Variants in ARMCX4 observed in about 807,000 individuals in gnomAD.
ARMCX4 encodes the protein armadillo repeat-containing X-linked protein 4.
A neutral mutation model predicts 34.7 loss-of-function variants in ARMCX4; 3 were observed. That is an observed-to-expected ratio of 0.09 (90% CI 0.04 to 0.22). The LOEUF (loss-of-function observed/expected upper bound fraction) is 0.22, where lower values mean the gene tolerates loss of function less well. Ranked by LOEUF, ARMCX4 falls within the 10% of genes least tolerant of loss-of-function variation. The probability of loss-of-function intolerance (pLI) is 1.00; values close to 1 mark genes in which losing one functional copy is unlikely to be tolerated. For missense variants in ARMCX4, 1,448 were observed against 1,720.8 expected, an observed-to-expected ratio of 0.84 and a Z score of 2.81; for synonymous variants, 513 against 632.8, an observed-to-expected ratio of 0.81 and a Z score of 2.84.
intron 2 of ARMCX4, among the ~76,000 whole-genome samples, chrX:101,430,512 C>T (rs1283105096): frequency 8.9e-6 from 1 of 112,478 alleles, no homozygotes; most frequent in African/African-American, 3.2e-5. Context: ...ATCCCTTATC[C>T]CCATCCATTG....
At chrX:101,442,246 G>A (rs1464511572) in intron 2 of ARMCX4, among the ~76,000 whole-genome samples, 2 of 112,184 alleles carry the variant, frequency 1.8e-5, no homozygotes, top group African/African-American at 6.5e-5. Flanking sequence ...GGCCTCGAGA[G>A]CTATTGTGAA....
chrX:101,493,814 T>C lies in ARMCX4; in HGVS notation c.5225T>C (p.Val1742Ala). 8.7e-7 allele frequency: 1 copy of C among 1,152,122 alleles called. No individual in the cohort carries two copies. 94.9% of individuals were successfully genotyped at this position (1,152,122 alleles called of 1,213,427 possible). ...GFWFGPGAEA[V>A]IGSWCWTEEK... ...TGGTTTGGGCCTGGAGCTGAGGCCGTTATAGGGTCTTGGTGCTGGACAGAG... is the reference window on the plus strand; with the variant it reads ...TGGTTTGGGCCTGGAGCTGAGGCCGCTATAGGGTCTTGGTGCTGGACAGAG... Residue 1742 changes from valine to alanine, a missense_variant, in exon 6 of 6, where the codon GTT becomes GCT. By Grantham distance (64) the Val-to-Ala change is moderately conservative. Around this residue, in one of 2 missense-constraint regions of ARMCX4, gnomAD observed 1,343 missense variants for 1,540.7 expected, o/e 0.87. Coordinates refer to ENST00000423738, the MANE Select transcript of ARMCX4 (RefSeq NM_001256155.3).
In ARMCX4 at chrX:101,492,924, C is replaced by T; in HGVS notation, c.4335C>T (p.Ala1445=). The change falls in exon 6 of 6, where the codon GCC becomes GCT. Residue 1445 remains alanine, a synonymous_variant. Transcript: ENST00000423738. ...TCTTAGTTGGGATTGTGGACCAGGC[C>T]AATGGAGGGTCCTGGACTGGGGCTG... ...GGFLVGIVDQ[A]NGGSWTGAGH... is the part of the protein sequence containing the mutation. 1.7e-6 allele frequency: 2 copies of T among 1,154,315 alleles called. No homozygotes were observed. Among genetic ancestry groups the T allele is most frequent in the Non-Finnish European group, 2.3e-6 (2 of 872,134 alleles).
intron 3 of ARMCX4, 82 bp downstream of exon 3, chrX:101,487,354 G>C (rs1478877284): frequency 6.2e-6 from 1 of 160,872 alleles, no homozygotes; most frequent in South Asian, 1.1e-4. Context: ...GAGGGTCTCA[G>C]TGGAGTGCTG....
In ARMCX4 at chrX:101,488,599, A is replaced by G; in HGVS notation, c.10A>G (p.Ile4Val). 8.6e-7 allele frequency: 1 copy of G among 1,156,136 alleles called. No homozygotes were observed. Among genetic ancestry groups the G allele is most frequent in the Non-Finnish European group, 1.1e-6 (1 of 873,136 alleles). Residue 4 changes from isoleucine (I) to valine (V), a missense_variant, in exon 6 of 6, where the codon ATT becomes GTT. Physicochemically the swap from Ile to Val is conservative, Grantham distance 29. Around this residue, in one of 2 missense-constraint regions of ARMCX4, gnomAD observed 1,343 missense variants for 1,540.7 expected, o/e 0.87. Coordinates refer to ENST00000423738, the MANE Select transcript of ARMCX4 (RefSeq NM_001256155.3). MGR[I>V]QEVGWVTAGL... ...TAGCAGGGGTGATTACATGGGCCGCATTCAGGAAGTGGGCTGGGTGACTGC... is the reference window on the plus strand; with the variant it reads ...TAGCAGGGGTGATTACATGGGCCGCGTTCAGGAAGTGGGCTGGGTGACTGC...
At chrX:101,517,335 T>C (rs1245635114) in intron 11 of ARMCX4, among the ~76,000 whole-genome samples, 2 of 112,272 alleles carry the variant, frequency 1.8e-5, no homozygotes, top group Non-Finnish European at 3.8e-5. Flanking sequence ...ACAATAGTTA[T>C]TACTTTTCTT....
intron 3 of ARMCX4, among the ~76,000 whole-genome samples, chrX:101,445,821 C>T (rs781954772): frequency 1.4e-4 from 16 of 110,688 alleles, no homozygotes; most frequent in Non-Finnish European, 2.5e-4. Flanking sequence ...TGGCGCCTAC[C>T]CTGGGGAGGA....
At chrX:101,433,373 T>C (rs782228780) in intron 2 of ARMCX4, among the ~76,000 whole-genome samples, 2 of 109,515 alleles carry the variant, frequency 1.8e-5, no homozygotes, top group East Asian at 2.9e-4. Flanking sequence ...TATAAACATA[T>C]GTACATATAT....
Position 101,493,693 on chromosome X carries a change from G to A in ARMCX4, c.5104G>A (p.Glu1702Lys), listed in dbSNP as rs1934068991. The change falls in exon 6 of 6, where the codon GAG becomes AAG. Residue 1702 changes from glutamate (E) to lysine (K), a missense_variant. Glu to Lys is a moderately conservative substitution (Grantham distance 56). Transcript: ENST00000423738. ...CATTGGAGGATCTAGGATGGGATCT[G>A]AGGACCAGGCCACTGGAGGATCCTG... is the stretch of plus-strand genomic sequence containing the variant. ...EAIGGSRMGS[E>K]DQATGGSWAR... 2 of 1,154,506 alleles carry A rather than the reference G, an allele frequency of 1.7e-6. No homozygotes were observed. Among genetic ancestry groups the A allele is most frequent in the East Asian group, 6.5e-5 (2 of 30,652 alleles).
chrX:101,426,527 AG>A (rs1305638904), intron 2 of ARMCX4, among the ~76,000 whole-genome samples: 3 of 111,858 alleles, frequency 2.7e-5, no homozygotes, highest in Non-Finnish European at 5.6e-5. Flanking sequence ...ATGAGTTGTA[AG>A]GGTGAGAGCA....
chrX:101,457,131 A>C (rs1932328698), intron 4 of ARMCX4, among the ~76,000 whole-genome samples: 1 of 111,619 alleles, frequency 9.0e-6, no homozygotes, highest in African/African-American at 3.3e-5. Flanking sequence ...TTAGCCTGTA[A>C]AATTTTCCAC....
chrX:101,450,683 C>A (rs1677557155), downstream of ARMCX4, among the ~76,000 whole-genome samples: 1 of 112,039 alleles, frequency 8.9e-6, no homozygotes, highest in African/African-American at 3.2e-5. Flanking sequence ...CTGGGTCTCT[C>A]CTGAAACCAG....
intron 2 of ARMCX4, among the ~76,000 whole-genome samples, chrX:101,424,722 G>A (rs1246671046): frequency 1.8e-5 from 2 of 112,147 alleles, no homozygotes; most frequent in Admixed American, 9.5e-5. Flanking sequence ...TACAGTGAGA[G>A]TGAGCGGTCA....
At chrX:101,517,129 A>G (rs1200488487) in intron 11 of ARMCX4, among the ~76,000 whole-genome samples, 1 of 111,463 alleles carries the variant, frequency 9.0e-6, no homozygotes, top group African/African-American at 3.3e-5. Flanking sequence ...CTTTACCTAA[A>G]TGAGTGATTC....
chrX:101,467,181 G>A (rs537803086), intron 4 of ARMCX4, among the ~76,000 whole-genome samples: 8 of 111,877 alleles, frequency 7.2e-5, no homozygotes, highest in African/African-American at 1.9e-4. Flanking sequence ...ACAGGGTCTC[G>A]CTCTGTTGTC....
chrX:101,446,917 G>A (rs1409132940), downstream of ARMCX4, among the ~76,000 whole-genome samples: 1 of 108,362 alleles, frequency 9.2e-6, no homozygotes, highest in African/African-American at 3.4e-5. Context: ...TTGCGCCACT[G>A]CACTCCAGCC....
rs138327251 is a variant in ARMCX4 at position 101,441,102 on chromosome X, G to A, written n.165-2950G>A. On this transcript the variant is annotated intron_variant and non_coding_transcript_variant, in intron 2 of 3. Coordinates refer to the ARMCX4 transcript ENST00000430461. ...CTGTAGACTGGAGCTGTTCCTATTC[G>A]GCCATCTTGGCTCCACCCCCCGGGA... Among the ~76,000 whole-genome samples the A allele has an allele frequency of 2.2e-4, 24 of 110,954 alleles. No homozygotes were observed. In the Middle Eastern group the frequency reaches 0.014, roughly 64 times the overall value.
chrX:101,494,423 A>T lies in ARMCX4; in HGVS notation c.5834A>T (p.Asp1945Val). The T allele has an allele frequency of 8.7e-7, 1 of 1,155,594 alleles. No individual in the cohort carries two copies. Among genetic ancestry groups the T allele is most frequent in the Non-Finnish European group, 1.1e-6 (1 of 872,861 alleles). The change falls in exon 6 of 6, where the codon GAT becomes GTT. Residue 1945 changes from aspartate (D) to valine (V), a missense_variant. By Grantham distance (152) the Asp-to-Val change is radical. This residue lies in a region of ARMCX4 where 1,343 missense variants were observed against 1,540.7 expected (regional missense o/e 0.87). Transcript: ENST00000423738. ...AAGTTTGAGGCTGCTGGTGGAGTTG[A>T]TATAGGGTCTTGGTTCTGTGCTGGT... The part of the protein sequence containing the change: ...KDKFEAAGGV[D>V]IGSWFCAGNE...
At chrX:101,504,639 C>T (rs182495951) in intron 7 of ARMCX4, among the ~76,000 whole-genome samples, 1 of 110,802 alleles carries the variant, frequency 9.0e-6, no homozygotes, top group East Asian at 2.8e-4. Flanking sequence ...TGACTCTGGC[C>T]CCGGGTCCCC....
Sources: gnomAD v4.1 joint callset for allele counts (sites outside exome capture counted in the v4.1 genomes callset) on GRCh38, gnomAD v4.1.1 for gene constraint, gnomAD v4.1.1 regional missense constraint, MANE v1.5 for transcripts, NCBI Gene and HGNC (gene_info 2026-07-23, HGNC 2026-07-21) for gene names.